LHX8: variants seen among roughly 807,000 people sequenced by gnomAD.
LHX8 encodes LIM/homeobox protein Lhx8.
In LHX8, 12 loss-of-function variants were observed where a neutral mutation model predicts 40.3. That is an observed-to-expected ratio of 0.30 (90% CI 0.19 to 0.48). The LOEUF is 0.48. LHX8 is among the 20% of genes least tolerant of loss of function. The pLI is 0.99. For synonymous variants in LHX8, 179 were observed against 162.0 expected, an observed-to-expected ratio of 1.10 and a Z score of -0.80; for missense variants, 344 against 433.7, an observed-to-expected ratio of 0.79 and a Z score of 1.84.
intron 7 of LHX8, among the ~76,000 whole-genome samples, chr1:75,155,230 C>CTTTTTTTTTTTTTT: frequency 1.1e-5 from 1 of 94,364 alleles, no homozygotes; most frequent in Non-Finnish European, 2.0e-5. Context: ...GAAACACTCT[C>CTTTTTTTTTTTTTT]TTTTTTTTTT....
chr1:75,160,840 G>A lies in LHX8; in HGVS notation c.986G>A (p.Gly329Glu). ...GTAGCTCATTCACCAACAACTCTTG[G>A]ACTCCAGCCCTTGTTACCCCATTCA... ...YMDAHSPTTLGLQPLLPHSMT... is the reference protein window; with the variant it reads ...YMDAHSPTTLELQPLLPHSMT... Residue 329 changes from glycine to glutamate, a missense_variant, in exon 9 of 9, where the codon GGA (glycine) becomes GAA (glutamate). Physicochemically the swap from Gly to Glu is moderately conservative, Grantham distance 98. Transcript: ENST00000356261. The A allele has an allele frequency of 6.2e-7, 1 of 1,613,036 alleles. No individual in the cohort carries two copies. The highest frequency in any genetic ancestry group is 8.5e-7 in the Non-Finnish European group (1 of 1,179,224).
the LHX8 span, among the ~76,000 whole-genome samples, chr1:75,167,043 G>T: frequency 8.5e-4 from 129 of 152,316 alleles, 3 homozygotes; most frequent in South Asian, 0.026. Flanking sequence ...GCCTGCTTGT[G>T]TTCTAATCTG....
the LHX8 span, among the ~76,000 whole-genome samples, chr1:75,183,813 C>T: frequency 2.6e-5 from 4 of 152,166 alleles, no homozygotes; most frequent in Non-Finnish European, 5.9e-5. Context: ...AATGCCCCCA[C>T]TTAAAAAGCA....
At chr1:75,159,537 G>GT (rs1648861001) in intron 8 of LHX8, 1 of 151,960 alleles carries the variant, frequency 6.6e-6, no homozygotes. Flanking sequence ...AATTTATTAT[G>GT]TTTTTCAGTT....
intron 8 of LHX8, among the ~76,000 whole-genome samples, chr1:75,158,803 A>G (rs1033604588): frequency 6.6e-6 from 1 of 152,064 alleles, no homozygotes; most frequent in African/African-American, 2.4e-5. Flanking sequence ...TTGTTATTCA[A>G]GTTTGTATTG....
the LHX8 span, among the ~76,000 whole-genome samples, chr1:75,195,983 G>A: frequency 1.3e-5 from 2 of 152,174 alleles, no homozygotes; most frequent in African/African-American, 4.8e-5. Flanking sequence ...GGCAGATAGA[G>A]TCTGTGCCTT....
At chr1:75,194,549 T>C in the LHX8 span, among the ~76,000 whole-genome samples, 3 of 152,232 alleles carry the variant, frequency 2.0e-5, no homozygotes, top group African/African-American at 7.2e-5. Flanking sequence ...CCAGCATTTA[T>C]AGCCACCACC....
the LHX8 span, among the ~76,000 whole-genome samples, chr1:75,173,449 T>C: frequency 7.0e-6 from 1 of 143,368 alleles, no homozygotes; most frequent in Non-Finnish European, 1.5e-5. Context: ...AGTGGCACGA[T>C]CTCGACTCAC....
At chr1:75,195,743 C>T in the LHX8 span, among the ~76,000 whole-genome samples, 3 of 152,054 alleles carry the variant, frequency 2.0e-5, no homozygotes, top group African/African-American at 7.2e-5. Flanking sequence ...AGACTCATCT[C>T]TCTCTCCCCT....
chr1:75,163,438 G>T (rs1648970956), downstream of LHX8, among the ~76,000 whole-genome samples: 1 of 152,154 alleles, frequency 6.6e-6, no homozygotes, highest in South Asian at 2.1e-4. Context: ...TAGAACAGAA[G>T]TAATTTAGGT....
the LHX8 span, among the ~76,000 whole-genome samples, chr1:75,177,709 A>C: frequency 6.6e-6 from 1 of 152,160 alleles, no homozygotes; most frequent in Non-Finnish European, 1.5e-5. Context: ...TTCTAACGCT[A>C]TGTTGAATAG....
At chr1:75,184,641 A>G in the LHX8 span, among the ~76,000 whole-genome samples, 1 of 152,180 alleles carries the variant, frequency 6.6e-6, no homozygotes, top group Non-Finnish European at 1.5e-5. Flanking sequence ...TATTTATAGC[A>G]TTAAATGTCC....
chr1:75,139,658 A>G (rs1181933091), intron 3 of LHX8, among the ~76,000 whole-genome samples: 2 of 152,058 alleles, frequency 1.3e-5, no homozygotes, highest in Non-Finnish European at 2.9e-5. Context: ...TTCTGTTTTC[A>G]TTATTTTAAA....
the LHX8 span, among the ~76,000 whole-genome samples, chr1:75,190,847 A>G: frequency 6.6e-6 from 1 of 152,220 alleles, no homozygotes; most frequent in African/African-American, 2.4e-5. Flanking sequence ...ATCTTGTGCT[A>G]ATAGTAATTC....
At chr1:75,144,491 T>C (rs1648408998) in intron 6 of LHX8, among the ~76,000 whole-genome samples, 2 of 152,196 alleles carry the variant, frequency 1.3e-5, no homozygotes, top group African/African-American at 4.8e-5. Flanking sequence ...CTTTATGTTT[T>C]TAAAGGTGGT....
intron 4 of LHX8, 110 bp from the exon 5 acceptor site, chr1:75,143,008 A>G (rs927996398): frequency 1.2e-6 from 1 of 813,202 alleles, no homozygotes; most frequent in African/African-American, 1.7e-5. Flanking sequence ...CAATATTTAA[A>G]TACTTAGGTT....
downstream of LHX8, among the ~76,000 whole-genome samples, chr1:75,161,896 C>G (rs1648929458): frequency 6.6e-6 from 1 of 151,906 alleles, no homozygotes. Flanking sequence ...TGGTGAATAC[C>G]CTTTAGGGAT....
At chr1:75,141,641 T>A (rs1263144971) in intron 4 of LHX8, among the ~76,000 whole-genome samples, 1 of 152,196 alleles carries the variant, frequency 6.6e-6, no homozygotes, top group Non-Finnish European at 1.5e-5. Flanking sequence ...TGCCTCAAAC[T>A]ATTTCTTTTG....
chr1:75,140,725 C>A (rs1648289998), intron 3 of LHX8, among the ~76,000 whole-genome samples: 1 of 152,028 alleles, frequency 6.6e-6, no homozygotes, highest in Non-Finnish European at 1.5e-5. Flanking sequence ...AACCTGAATT[C>A]TTCAAAGGAA....
Sources: allele counts gnomAD v4.1 joint callset (sites outside exome capture counted in the v4.1 genomes callset), GRCh38; gene constraint gnomAD v4.1.1; transcripts MANE v1.5; gene names NCBI Gene and HGNC (gene_info 2026-07-23, HGNC 2026-07-21).